Variants in USP35 observed in about 807,000 individuals in gnomAD.
USP35 encodes the protein ubiquitin carboxyl-terminal hydrolase 35.
USP35 carries 69 observed loss-of-function variants against 83.8 expected under a neutral mutation model. That is an observed-to-expected ratio of 0.82 (90% CI 0.68 to 1.01). The LOEUF is 1.01. USP35 is among the 50% of genes least tolerant of loss of function. USP35 has a pLI of 0.00. For synonymous variants in USP35, 714 were observed against 589.5 expected, an observed-to-expected ratio of 1.21 and a Z score of -3.06; for missense variants, 1,503 against 1,362.5, an observed-to-expected ratio of 1.10 and a Z score of -1.62.
chr11:78,220,227 G>C, downstream of USP35: 1 of 1,341,314 alleles, frequency 7.5e-7, no homozygotes, highest in Non-Finnish European at 1.0e-6. Flanking sequence ...GCTGAGTGCT[G>C]CTGTTCAGTG....
rs1251672196 is a variant in USP35 at position 78,214,187 on chromosome 11, C to CGACT, written c.*376_*379dup. On this transcript the variant is annotated 3_prime_UTR_variant, in exon 11 of 11. Coordinates refer to ENST00000529308, the MANE Select transcript of USP35 (RefSeq NM_020798.4). ...TTGACATCAAGTACTATTTTCCTTC[C>CGACT]GACTGCTGTACGGTATAAAGCACAG... 1 of 170,068 alleles carries CGACT rather than the reference C, an allele frequency of 5.9e-6. No homozygotes were observed. Among genetic ancestry groups the CGACT allele is most frequent in the African/African-American group, 2.5e-5 (1 of 40,744 alleles). 10.5% of individuals were successfully genotyped at this position (170,068 alleles called of 1,614,324 possible). A position where few individuals can be genotyped will look rare whatever the true frequency, so the allele number is the denominator to read the frequency against.
At chr11:78,228,360 G>T in the USP35 span, among the ~76,000 whole-genome samples, 10 of 152,208 alleles carry the variant, frequency 6.6e-5, no homozygotes, top group African/African-American at 2.4e-4. Context: ...TTGTAGCAGG[G>T]ATTCTAAGCC....
intron 3 of USP35, 66 bp downstream of exon 3, chr11:78,198,134 C>T: frequency 6.2e-7 from 1 of 1,603,430 alleles, no homozygotes; most frequent in South Asian, 1.1e-5. Context: ...TCAGAAGCCC[C>T]TTCTCCTGGG....
Position 78,214,025 on chromosome 11 carries a change from C to A in USP35, c.*212C>A. ...GATCAGTCCCATTAAAACTTTACAC[C>A]CAAGTGTCCTGGTTAACTTGAAGCA... On this transcript the variant is annotated 3_prime_UTR_variant, in exon 11 of 11. Coordinates refer to ENST00000529308, the MANE Select transcript of USP35 (RefSeq NM_020798.4). 2.0e-6 allele frequency: 1 copy of A among 509,142 alleles called. No individual in the cohort carries two copies. Among genetic ancestry groups the A allele is most frequent in the Non-Finnish European group, 3.2e-6 (1 of 314,502 alleles). The allele number at this position is 509,142 out of a possible 1,614,324, so 31.5% of individuals were successfully genotyped here.
chr11:78,215,439 T>A (rs1210192752), downstream of USP35: 1 of 152,530 alleles, frequency 6.6e-6, no homozygotes, highest in Non-Finnish European at 1.5e-5. Context: ...ACCGGATAAA[T>A]ATGTTACAAT....
the USP35 span, among the ~76,000 whole-genome samples, chr11:78,224,760 C>A: frequency 3.9e-5 from 6 of 152,108 alleles, no homozygotes; most frequent in African/African-American, 9.7e-5. Flanking sequence ...GAGTCTCACA[C>A]TGCAGCCTCC....
At chr11:78,215,460 G>A (rs1360643163), downstream of USP35, 4 of 151,394 alleles carry the variant, frequency 2.6e-5, no homozygotes, top group African/African-American at 7.4e-5. Context: ...TTAAAAAAAA[G>A]AATACAACAG....
the USP35 span, among the ~76,000 whole-genome samples, chr11:78,221,397 C>T: frequency 6.6e-6 from 1 of 152,212 alleles, no homozygotes; most frequent in Non-Finnish European, 1.5e-5. Context: ...TCCAAGGGCA[C>T]AGATCATGCC....
the USP35 span, among the ~76,000 whole-genome samples, chr11:78,223,229 G>A: frequency 8.5e-5 from 13 of 152,100 alleles, no homozygotes; most frequent in African/African-American, 2.7e-4. Context: ...GCTCTCCTTT[G>A]CAGCAAACCT....
In USP35 at chr11:78,196,254, G is replaced by A; in HGVS notation, c.9G>A (p.Lys3=). The A allele has an allele frequency of 6.3e-7, 1 of 1,593,234 alleles. No individual in the cohort carries two copies. The highest frequency in any genetic ancestry group is 8.5e-7 in the Non-Finnish European group (1 of 1,176,674). Residue 3 remains lysine (K), a synonymous_variant, in exon 2 of 11, where the codon AAG becomes AAA. Transcript: ENST00000529308. The surrounding 1 kb of genome is among the most constrained non-coding windows in gnomAD (Gnocchi z 4.8). MD[K]ILEAVVTSSY... ...TCCGCAGCGCGGGCGCCATGGACAAGATCTTGGAGGCGGTGGTGACGTCGT... is the reference window on the plus strand; with the variant it reads ...TCCGCAGCGCGGGCGCCATGGACAAAATCTTGGAGGCGGTGGTGACGTCGT...
the USP35 span, among the ~76,000 whole-genome samples, chr11:78,229,970 C>T: frequency 7.2e-5 from 11 of 152,318 alleles, no homozygotes; most frequent in South Asian, 1.9e-3. Flanking sequence ...ACTTGCTTAA[C>T]TTTGTTCTTG....
At chr11:78,220,619 G>C in the USP35 span, among the ~76,000 whole-genome samples, 2 of 152,278 alleles carry the variant, frequency 1.3e-5, no homozygotes, top group African/African-American at 4.8e-5. Flanking sequence ...CTGTAAGGTA[G>C]GTATGATTAC....
chr11:78,226,222 C>G, the USP35 span, among the ~76,000 whole-genome samples: 1 of 152,192 alleles, frequency 6.6e-6, no homozygotes, highest in South Asian at 2.1e-4. Context: ...GTCCTATTCT[C>G]CATTAGTAGA....
chr11:78,196,274 C>G lies in USP35; in HGVS notation c.29C>G (p.Thr10Arg). The change falls in exon 2 of 11, where the codon ACG becomes AGG. Residue 10 changes from threonine (T) to arginine (R), a missense_variant. Physicochemically the swap from Thr to Arg is moderately conservative, Grantham distance 71. Transcript: ENST00000529308. This position sits in a 1 kb window ranked among gnomAD's most constrained non-coding sequence, Gnocchi z 4.8. ...GACAAGATCTTGGAGGCGGTGGTGA[C>G]GTCGTCATACCCGGTCAGCGTGAAG... MDKILEAVV[T>R]SSYPVSVKQG... is the part of the protein sequence containing the mutation. The G allele has an allele frequency of 6.3e-7, 1 of 1,595,318 alleles. No homozygotes were observed. The highest frequency in any genetic ancestry group is 1.1e-5 in the South Asian group (1 of 90,990).
At chr11:78,225,548 G>A in the USP35 span, among the ~76,000 whole-genome samples, 1 of 152,178 alleles carries the variant, frequency 6.6e-6, no homozygotes. Context: ...TGATTTATAT[G>A]TGTTGGTTTT....
rs767333530 is a variant in USP35 at position 78,210,738 on chromosome 11, C to T, written c.2883C>T (p.Tyr961=). The T allele has an allele frequency of 1.1e-5, 17 of 1,548,084 alleles. No homozygotes were observed. In the South Asian group the frequency reaches 1.9e-4, roughly 18 times the overall value. Residue 961 remains tyrosine (Y), a synonymous_variant, in exon 10 of 11, where the codon TAC becomes TAT. Transcript: ENST00000529308. ...MEAISKDNIL[Y]LQEQEKEARS... ...CCATTTCCAAAGACAACATCCTTTA[C>T]CTACAGGTGAGCTGAGCCGTGGGGC...
At chr11:78,193,489 G>C (rs890314844) in intron 1 of USP35, among the ~76,000 whole-genome samples, 5 of 151,600 alleles carry the variant, frequency 3.3e-5, no homozygotes, top group Non-Finnish European at 7.4e-5. Context: ...ACAGACATGA[G>C]CCACTGTGCC....
intron 6 of USP35, among the ~76,000 whole-genome samples, chr11:78,201,445 G>A (rs1863358112): frequency 6.6e-6 from 1 of 152,238 alleles, no homozygotes; most frequent in Non-Finnish European, 1.5e-5. Flanking sequence ...TGGTGAGGGT[G>A]ACAGACTTGG....
At chr11:78,198,530 C>T (rs190138027) in intron 3 of USP35, 23 of 812,982 alleles carry the variant, frequency 2.8e-5, no homozygotes, top group Admixed American at 6.2e-5. Flanking sequence ...GTGATCTAGA[C>T]GCACCTGCCT....
Sources: gnomAD v4.1 joint callset for allele counts (sites outside exome capture counted in the v4.1 genomes callset) on GRCh38, gnomAD v4.1.1 for gene constraint, Gnocchi (gnomAD v3.1) non-coding constraint, MANE v1.5 for transcripts, NCBI Gene and HGNC (gene_info 2026-07-23, HGNC 2026-07-21) for gene names.